NT5DC1: variants seen among roughly 807,000 people sequenced by gnomAD.
NT5DC1 encodes the protein 5'-nucleotidase domain-containing protein 1.
A neutral mutation model predicts 59.4 loss-of-function variants in NT5DC1; 42 were observed. The ratio of observed to expected loss-of-function variants is 0.71; its 90% CI spans 0.55 to 0.92. The LOEUF (loss-of-function observed/expected upper bound fraction) is 0.92, where lower values mean the gene tolerates loss of function less well. NT5DC1 is among the 40% of genes least tolerant of loss of function. The pLI, the probability that NT5DC1 is intolerant of heterozygous loss-of-function variation, is 0.00. For synonymous variants in NT5DC1, 172 were observed against 188.1 expected (o/e 0.91, Z 0.70); for missense variants, 501 against 537.1 (o/e 0.93, Z 0.66).
intron 6 of NT5DC1, among the ~76,000 whole-genome samples, chr6:116,151,611 A>G (rs543631746): frequency 2.4e-4 from 36 of 152,356 alleles, no homozygotes; most frequent in African/African-American, 8.7e-4. Context: ...TCGAGAATGC[A>G]GTACATGCAA....
intron 11 of NT5DC1, among the ~76,000 whole-genome samples, chr6:116,239,572 G>T (rs1187249125): frequency 6.6e-6 from 1 of 152,196 alleles, no homozygotes. Flanking sequence ...CTATGTTGAG[G>T]CCTTGAAGGG....
chr6:116,225,912 T>G (rs1781897510), intron 8 of NT5DC1, among the ~76,000 whole-genome samples: 1 of 152,100 alleles, frequency 6.6e-6, no homozygotes, highest in South Asian at 2.1e-4. Flanking sequence ...TCTGGAGACG[T>G]TTTTGGTTGT....
intron 7 of NT5DC1, 27 bp from the exon 8 acceptor site, chr6:116,223,007 A>G (rs1212364167): frequency 4.9e-6 from 6 of 1,216,152 alleles, no homozygotes; most frequent in Non-Finnish European, 6.1e-6. Flanking sequence ...CTTAAAATAA[A>G]CTTATGAAAA....
At chr6:116,168,429 A>G (rs1276591328) in intron 6 of NT5DC1, among the ~76,000 whole-genome samples, 1 of 151,984 alleles carries the variant, frequency 6.6e-6, no homozygotes, top group East Asian at 1.9e-4. Flanking sequence ...CAGTTCTAGA[A>G]TTCCATTTAG....
At chr6:116,203,917 A>G (rs1781394892) in intron 6 of NT5DC1, among the ~76,000 whole-genome samples, 1 of 151,924 alleles carries the variant, frequency 6.6e-6, no homozygotes, top group African/African-American at 2.4e-5. Context: ...AATTATTATC[A>G]TAATTTACCT....
At chr6:116,108,148 C>T (rs1352954543) in intron 2 of NT5DC1, among the ~76,000 whole-genome samples, 1 of 152,068 alleles carries the variant, frequency 6.6e-6, no homozygotes, top group Non-Finnish European at 1.5e-5. Flanking sequence ...ATATGCTGTC[C>T]TTGTTTACCT....
chr6:116,139,003 T>C (rs1779695726), intron 6 of NT5DC1, among the ~76,000 whole-genome samples: 1 of 152,136 alleles, frequency 6.6e-6, no homozygotes, highest in Non-Finnish European at 1.5e-5. Flanking sequence ...TTTTTCAGAT[T>C]AATTTAGTAA....
intron 1 of NT5DC1, among the ~76,000 whole-genome samples, chr6:116,105,712 C>T (rs1778753786): frequency 6.6e-6 from 1 of 151,238 alleles, no homozygotes; most frequent in Non-Finnish European, 1.5e-5. Flanking sequence ...TTTCTTTGTC[C>T]TTTGTCTTTA....
chr6:116,220,069 G>A (rs1034501049), intron 6 of NT5DC1, among the ~76,000 whole-genome samples: 8 of 137,234 alleles, frequency 5.8e-5, no homozygotes, highest in African/African-American at 2.2e-4. Flanking sequence ...AGTCACGGAT[G>A]TATCCCATAT....
At chr6:116,231,706 A>G (rs1347431431) in intron 8 of NT5DC1, among the ~76,000 whole-genome samples, 1 of 152,248 alleles carries the variant, frequency 6.6e-6, no homozygotes, top group Admixed American at 6.5e-5. Flanking sequence ...CTTGTAACAG[A>G]AAAACATTGG....
rs753292625 is a variant in NT5DC1, at chr6:116,117,864, A to G, written c.448A>G (p.Asn150Asp). The change falls in exon 6 of 12, where the codon AAC (asparagine) becomes GAC (aspartate). Residue 150 changes from asparagine (N) to aspartate (D), a missense_variant. Transcript: ENST00000319550. ...TCATTTGGAATTATTTTTTCAGCTG[A>G]ACAATGGTCAAAAAACATTTGATTT... ...ARVVDYLTKL[N>D]NGQKTFDFWK... 1 of 1,538,094 alleles carries G rather than the reference A, an allele frequency of 6.5e-7. No individual in the cohort carries two copies.
chr6:116,171,861 A>G (rs956551691), intron 6 of NT5DC1, among the ~76,000 whole-genome samples: 4 of 152,184 alleles, frequency 2.6e-5, no homozygotes, highest in Non-Finnish European at 5.9e-5. Context: ...AGGTACTTAA[A>G]CAGTTGTCTT....
chr6:116,123,557 T>A (rs554881859), intron 6 of NT5DC1, among the ~76,000 whole-genome samples: 3 of 152,362 alleles, frequency 2.0e-5, no homozygotes, highest in African/African-American at 7.2e-5. Flanking sequence ...TTAGTATGTT[T>A]TGACAGAACT....
chr6:116,227,736 A>G (rs1264442710), intron 8 of NT5DC1, among the ~76,000 whole-genome samples: 1 of 152,198 alleles, frequency 6.6e-6, no homozygotes, highest in African/African-American at 2.4e-5. Context: ...ACTTTTTCGT[A>G]TAACTGCTAG....
intron 6 of NT5DC1, among the ~76,000 whole-genome samples, chr6:116,163,141 A>AAAAAAATATATATATATAT (rs761718922): frequency 2.3e-5 from 2 of 88,408 alleles, no homozygotes; most frequent in African/African-American, 1.2e-4. Context: ...AAAAAAAAAA[A>AAAAAAATATATATATATAT]ATATATATAT....
chr6:116,159,523 A>T (rs1780281145), intron 6 of NT5DC1, among the ~76,000 whole-genome samples: 1 of 152,154 alleles, frequency 6.6e-6, no homozygotes, highest in African/African-American at 2.4e-5. Context: ...GGTATTCTGG[A>T]TGTCATGTGA....
At chr6:116,209,317 A>G (rs1047382983) in intron 6 of NT5DC1, among the ~76,000 whole-genome samples, 12 of 151,896 alleles carry the variant, frequency 7.9e-5, no homozygotes, top group African/African-American at 2.9e-4. Flanking sequence ...TGGTTTGCCA[A>G]CCTCTGGTCT....
At chr6:116,243,749 C>G (rs1771782266) in intron 11 of NT5DC1, among the ~76,000 whole-genome samples, 160 bp from the exon 12 acceptor site, 1 of 152,058 alleles carries the variant, frequency 6.6e-6, no homozygotes, top group Non-Finnish European at 1.5e-5. Flanking sequence ...CATTTTTAAC[C>G]TTATAATAAT....
intron 6 of NT5DC1, among the ~76,000 whole-genome samples, chr6:116,183,728 A>G (rs1445524783): frequency 2.0e-5 from 3 of 151,734 alleles, no homozygotes; most frequent in African/African-American, 7.3e-5. Flanking sequence ...TAGCAGGGCT[A>G]CTCATTTTTG....
Sources: allele counts gnomAD v4.1 joint callset (sites outside exome capture counted in the v4.1 genomes callset), GRCh38; gene constraint gnomAD v4.1.1; transcripts MANE v1.5; gene names NCBI Gene and HGNC (gene_info 2026-07-23, HGNC 2026-07-21).